The following ASTN1 variants were observed in gnomAD, a reference collection of about 807,000 sequenced individuals.
ASTN1 encodes the protein astrotactin-1.
Under a neutral mutation model 140.7 loss-of-function variants are expected in ASTN1, and 41 were observed. That is an observed-to-expected ratio of 0.29 (90% CI 0.23 to 0.38). ASTN1 has a LOEUF of 0.38. Among genes scored for constraint, ASTN1 ranks in the 10% least tolerant of loss-of-function variants. The probability of loss-of-function intolerance (pLI) is 1.00; values close to 1 mark genes in which losing one functional copy is unlikely to be tolerated. For synonymous variants in ASTN1, 640 were observed against 652.2 expected, an observed-to-expected ratio of 0.98 and a Z score of 0.29; for missense variants, 1,479 against 1,678.8, an observed-to-expected ratio of 0.88 and a Z score of 2.08.
chr1:176,977,831 G>A (rs1027374038), intron 8 of ASTN1, among the ~76,000 whole-genome samples: 1 of 152,172 alleles, frequency 6.6e-6, no homozygotes. Context: ...TGGCAAAGAC[G>A]TCTGTGAGTT....
At chr1:176,876,753 T>A (rs1338412807) in intron 20 of ASTN1, 116 bp from the exon 21 acceptor site, 5 of 964,466 alleles carry the variant, frequency 5.2e-6, no homozygotes, top group Non-Finnish European at 7.7e-6. Flanking sequence ...ACCCAGATAC[T>A]CTCGTCATCC....
At chr1:176,894,410 A>T in intron 17 of ASTN1, 152 bp downstream of exon 17, 2 of 1,034,146 alleles carry the variant, frequency 1.9e-6, no homozygotes, top group Non-Finnish European at 2.7e-6. Flanking sequence ...GCAAATTTAA[A>T]CAAATTAGGT....
chr1:176,884,353 G>A lies in ASTN1; in HGVS notation c.3212C>T (p.Ser1071Phe). The A allele has an allele frequency of 6.2e-7, 1 of 1,614,054 alleles. No individual in the cohort carries two copies. Among genetic ancestry groups the A allele is most frequent in the Non-Finnish European group, 8.5e-7 (1 of 1,179,922 alleles). The change falls in exon 19 of 23, where the codon TCC becomes TTC. Residue 1071 changes from serine (S) to phenylalanine (F), a missense_variant. This residue lies in a region of ASTN1 where 746 missense variants were observed against 800.9 expected (regional missense o/e 0.93). Coordinates refer to ENST00000361833, the MANE Select transcript of ASTN1 (RefSeq NM_004319.3). ...AAGGTGCTCACCTGTCTCCACTTTGGAGTGGTCCATCCTGTCAGTGACTTT... is the reference window on the plus strand; with the variant it reads ...AAGGTGCTCACCTGTCTCCACTTTGAAGTGGTCCATCCTGTCAGTGACTTT... ...QEKVTDRMDH[S>F]KVETETVLSF...
At chr1:176,958,920 TA>T (rs1672534134) in intron 9 of ASTN1, among the ~76,000 whole-genome samples, 1 of 151,728 alleles carries the variant, frequency 6.6e-6, no homozygotes, top group Middle Eastern at 3.4e-3. Context: ...ACAAAGAAAA[TA>T]AAGAAAGAAA....
chr1:176,876,754 C>T (rs763180245), intron 20 of ASTN1, 117 bp from the exon 21 acceptor site: 5 of 949,686 alleles, frequency 5.3e-6, no homozygotes, highest in Middle Eastern at 3.0e-4. Flanking sequence ...CCCAGATACT[C>T]TCGTCATCCT....
chr1:176,926,415 T>G (rs1197392854), intron 16 of ASTN1, among the ~76,000 whole-genome samples: 1 of 152,228 alleles, frequency 6.6e-6, no homozygotes, highest in East Asian at 1.9e-4. Context: ...AGACTCAAAT[T>G]AAATCCTCAC....
intron 16 of ASTN1, among the ~76,000 whole-genome samples, chr1:176,918,649 T>C (rs1468325667): frequency 6.6e-6 from 1 of 152,234 alleles, no homozygotes; most frequent in Non-Finnish European, 1.5e-5. Context: ...CTTCTCTGTG[T>C]CCTTTCCTTT....
intron 6 of ASTN1, among the ~76,000 whole-genome samples, chr1:177,024,316 C>T (rs1169419570): frequency 6.6e-6 from 1 of 152,150 alleles, no homozygotes; most frequent in Non-Finnish European, 1.5e-5. Context: ...CTGTGCATTT[C>T]TCTCAAAGAC....
At chr1:177,147,567 C>T (rs1558129041) in intron 1 of ASTN1, among the ~76,000 whole-genome samples, 1 of 151,974 alleles carries the variant, frequency 6.6e-6, no homozygotes, top group Admixed American at 6.6e-5. Context: ...GTACCTAAGA[C>T]GTATAAGGCA....
intron 15 of ASTN1, 135 bp downstream of exon 15, chr1:176,936,131 T>C (rs1399172121): frequency 1.3e-6 from 1 of 768,890 alleles, no homozygotes; most frequent in Admixed American, 2.0e-5. Flanking sequence ...TAAATCTGAG[T>C]AAATAGCTCA....
chr1:177,115,156 T>A (rs1681018949), intron 1 of ASTN1, among the ~76,000 whole-genome samples: 1 of 152,048 alleles, frequency 6.6e-6, no homozygotes. Context: ...AGGATACATA[T>A]CAGATAAACA....
intron 17 of ASTN1, among the ~76,000 whole-genome samples, chr1:176,892,585 A>C (rs942625902): frequency 6.6e-6 from 1 of 152,220 alleles, no homozygotes; most frequent in Non-Finnish European, 1.5e-5. Flanking sequence ...TACCTGGTTC[A>C]TTATATGGTT....
At chr1:177,079,900 GA>G (rs931067813) in intron 1 of ASTN1, among the ~76,000 whole-genome samples, 2 of 151,642 alleles carry the variant, frequency 1.3e-5, no homozygotes, top group East Asian at 3.9e-4. Flanking sequence ...TCAAAATTCA[GA>G]AAAAAAATTA....
intron 1 of ASTN1, among the ~76,000 whole-genome samples, chr1:177,107,657 A>T (rs933935758): frequency 6.6e-6 from 1 of 152,176 alleles, no homozygotes; most frequent in Non-Finnish European, 1.5e-5. Context: ...TCCCCCAGAC[A>T]GCCCTCACCA....
rs368328508 is a variant in ASTN1 at position 176,996,955 on chromosome 1, G to A, written c.1523+17836C>T. Reference sequence around the variant, plus strand: ...TGTATTTGATGCAGACAGAGAAAACGAGAAAAGTTAAAACCAAACCAATTC... The same window carrying A: ...TGTATTTGATGCAGACAGAGAAAACAAGAAAAGTTAAAACCAAACCAATTC... On this transcript the variant is annotated intron_variant, in intron 8 of 22. Coordinates refer to ENST00000361833, the MANE Select transcript of ASTN1 (RefSeq NM_004319.3). Among the ~76,000 whole-genome samples the A allele has an allele frequency of 9.2e-5, 14 of 152,300 alleles. No individual in the cohort carries two copies. In the East Asian group the frequency reaches 1.7e-3, roughly 19 times the overall value.
chr1:177,037,809 T>C (rs1462726646), intron 2 of ASTN1, among the ~76,000 whole-genome samples: 2 of 152,244 alleles, frequency 1.3e-5, no homozygotes, highest in Admixed American at 6.5e-5. Flanking sequence ...AACCCACATC[T>C]ATTAACGAGT....
At chr1:176,857,370 A>G, downstream of ASTN1, 1 of 393,952 alleles carries the variant, frequency 2.5e-6, no homozygotes. Context: ...AAAGCAAAAT[A>G]CATTTTAGGT....
chr1:176,884,202 T>A (rs1391266634), intron 19 of ASTN1, 137 bp downstream of exon 19: 3 of 996,002 alleles, frequency 3.0e-6, no homozygotes, highest in Non-Finnish European at 4.3e-6. Context: ...GAAGAACAGC[T>A]TCTTCTTCTC....
rs1366251200 is a variant in ASTN1 at position 176,943,960 on chromosome 1, T to G, written c.2308A>C (p.Thr770Pro). The G allele has an allele frequency of 6.2e-7, 1 of 1,614,114 alleles. No homozygotes were observed. Among genetic ancestry groups the G allele is most frequent in the Admixed American group, 1.7e-5 (1 of 60,010 alleles). ...AGGCATTGATTCTCCAGGGGCACAG[T>G]GGCCACCACAAGACCATCTGGCAGT... is the stretch of plus-strand genomic sequence containing the variant. ...QQLPDGLVVA[T>P]VPLENQCLEE... is the part of the protein sequence containing the mutation. The change falls in exon 14 of 23, where the codon ACT (threonine) becomes CCT (proline). Residue 770 changes from threonine to proline, a missense_variant. Thr to Pro is a conservative substitution (Grantham distance 38). This residue lies in a region of ASTN1 where 746 missense variants were observed against 800.9 expected (regional missense o/e 0.93). Coordinates refer to ENST00000361833, the MANE Select transcript of ASTN1 (RefSeq NM_004319.3).
Sources: gnomAD v4.1 joint callset for allele counts (sites outside exome capture counted in the v4.1 genomes callset) on GRCh38, gnomAD v4.1.1 for gene constraint, gnomAD v4.1.1 regional missense constraint, MANE v1.5 for transcripts, NCBI Gene and HGNC (gene_info 2026-07-23, HGNC 2026-07-21) for gene names.